HP: variants seen among roughly 807,000 people sequenced by gnomAD.
HP encodes haptoglobin, also known as haptoglobin alpha(1S)-beta.
Under a neutral mutation model 23.2 loss-of-function variants are expected in HP, and 9 were observed. That is an observed-to-expected ratio of 0.39 (90% CI 0.23 to 0.68). The LOEUF is 0.68. HP is among the 30% of genes least tolerant of loss of function. The pLI is 0.47. For synonymous variants in HP, 155 were observed against 183.3 expected, an observed-to-expected ratio of 0.85 and a Z score of 1.25; for missense variants, 433 against 483.6, an observed-to-expected ratio of 0.90 and a Z score of 0.98.
At chr16:72,056,369 T>C in intron 2 of HP, 126 bp downstream of exon 2, 1 of 1,562,054 alleles carries the variant, frequency 6.4e-7, no homozygotes, top group Non-Finnish European at 8.7e-7. Context: ...TAAAGAACAT[T>C]GGGGTTCCTG....
rs1261131844 is a variant in HP, at chr16:72,060,818, G to T, written c.1149G>T (p.Val383=). 6.2e-7 allele frequency: 1 copy of T among 1,613,580 alleles called. No individual in the cohort carries two copies. Among genetic ancestry groups the T allele is most frequent in the African/African-American group, 1.3e-5 (1 of 74,926 alleles). Residue 383 remains valine (V), a synonymous_variant, in exon 7 of 7, where the codon GTG becomes GTT. Transcript: ENST00000355906. ...TAAGCTTTGATAAGAGCTGTGCTGT[G>T]GCTGAGTATGGTGTGTATGTGAAGG... ...GILSFDKSCA[V]AEYGVYVKVT...
At chr16:72,056,100 C>T in intron 1 of HP, 61 bp from the exon 2 acceptor site, 1 of 1,547,438 alleles carries the variant, frequency 6.5e-7, no homozygotes, top group South Asian at 1.1e-5. Flanking sequence ...TGTGTGGATG[C>T]ATGCATGTGC....
At chr16:72,054,879 T>C in intron 1 of HP, 2 of 901,122 alleles carry the variant, frequency 2.2e-6, no homozygotes. Flanking sequence ...AGGAGTGTCT[T>C]TTTCCTTCAG....
rs760529864 is a variant in HP, at chr16:72,060,307, C to A, written c.638C>A (p.Thr213Lys). ...NLFLNHSENA[T>K]AKDIAPTLTL... ...TTCCTGAACCATTCAGAAAATGCAA[C>A]AGCGAAAGACATTGCCCCTACTTTA... The change falls in exon 7 of 7, where the codon ACA becomes AAA. Residue 213 changes from threonine to lysine, a missense_variant. Transcript: ENST00000355906. 9 of 1,614,094 alleles carry A rather than the reference C, an allele frequency of 5.6e-6. No individual in the cohort carries two copies. The highest frequency in any genetic ancestry group is 6.8e-6 in the Non-Finnish European group (8 of 1,180,014).
Position 72,060,512 on chromosome 16 carries a change from T to G in HP, c.843T>G (p.Val281=), listed in dbSNP as rs761489538. The G allele has an allele frequency of 1.6e-5, 26 of 1,614,028 alleles. No homozygotes were observed. Among genetic ancestry groups the G allele is most frequent in the African/African-American group, 1.6e-4 (12 of 74,916 alleles). Residue 281 remains valine (V), a synonymous_variant, in exon 7 of 7, where the codon GTT becomes GTG. Transcript: ENST00000355906. Reference sequence around the variant, plus strand: ...CAGAAGTAGGGCGTGTGGGTTATGTTTCTGGCTGGGGGCGAAATGCCAATT... The same window carrying G: ...CAGAAGTAGGGCGTGTGGGTTATGTGTCTGGCTGGGGGCGAAATGCCAATT... ...DYAEVGRVGY[V]SGWGRNANFK...
At position 72,056,171 on chromosome 16, in the gene HP, G is replaced by A; in HGVS notation, c.16G>A (p.Ala6Thr). MSALG[A>T]VIALLLWGQL... Reference sequence around the variant, plus strand: ...GTCTTCTCTCTGCAGTGCCCTGGGAGCTGTCATTGCCCTCCTGCTCTGGGG... The same window carrying A: ...GTCTTCTCTCTGCAGTGCCCTGGGAACTGTCATTGCCCTCCTGCTCTGGGG... Residue 6 changes from alanine (A) to threonine (T), a missense_variant, in exon 2 of 7, where the codon GCT becomes ACT. Transcript: ENST00000355906. 1 of 1,613,968 alleles carries A rather than the reference G, an allele frequency of 6.2e-7. No individual in the cohort carries two copies. The highest frequency in any genetic ancestry group is 1.1e-5 in the South Asian group (1 of 91,076).
chr16:72,054,970 T>C (rs574985432), intron 1 of HP: 10 of 546,068 alleles, frequency 1.8e-5, no homozygotes, highest in African/African-American at 1.5e-4. Context: ...TATTAGCAGA[T>C]ATTTTCCTCT....
chr16:72,059,078 C>A (rs1323423113), intron 5 of HP, 36 bp from the exon 6 acceptor site: 5 of 1,548,900 alleles, frequency 3.2e-6, no homozygotes, highest in Non-Finnish European at 4.4e-6. Context: ...CTAGACTTGA[C>A]TTCTCCTTTG....
intron 3 of HP, 96 bp downstream of exon 3, chr16:72,056,727 G>A (rs35461039): frequency 0.16 from 83,165 of 519,300 alleles, 7,600 homozygotes; most frequent in South Asian, 0.18. Context: ...CAGAAAGTTC[G>A]TTGCTCTCCT....
intron 6 of HP, chr16:72,059,905 T>C: frequency 1.6e-6 from 2 of 1,236,884 alleles, no homozygotes; most frequent in Non-Finnish European, 2.2e-6. Context: ...AAGTGGGAAA[T>C]AGAGCTTTTT....
At position 72,059,262 on chromosome 16, in the gene HP, G is replaced by A. The variant is rs890881756; in HGVS notation, c.442+74G>A. On this transcript the variant is annotated intron_variant, in intron 6 of 6. Coordinates refer to ENST00000355906, the MANE Select transcript of HP (RefSeq NM_005143.5). Reference sequence around the variant, plus strand: ...TCCTAGAGGCACAGCCTTCCAGTGCGGCTTCCTCTGAGCACACAAGAGCCA... The same window carrying A: ...TCCTAGAGGCACAGCCTTCCAGTGCAGCTTCCTCTGAGCACACAAGAGCCA... 3.4e-5 allele frequency: 52 copies of A among 1,536,878 alleles called. 4 individuals are homozygous for A. Among genetic ancestry groups the A allele is most frequent in the Middle Eastern group, 1.8e-4 (1 of 5,462 alleles).
intron 1 of HP, 25 bp downstream of exon 1, chr16:72,054,682 C>A (rs754993674): frequency 1.2e-4 from 189 of 1,612,192 alleles, no homozygotes; most frequent in Non-Finnish European, 1.5e-4. Flanking sequence ...TTCCCTCCTG[C>A]CTTTCCTCTG....
At position 72,060,618 on chromosome 16, in the gene HP, A is replaced by G; in HGVS notation, c.949A>G (p.Thr317Ala). 6.2e-7 allele frequency: 1 copy of G among 1,614,212 alleles called. No individual in the cohort carries two copies. The highest frequency in any genetic ancestry group is 8.5e-7 in the Non-Finnish European group (1 of 1,180,044). Residue 317 changes from threonine to alanine, a missense_variant, in exon 7 of 7, where the codon ACA (threonine) becomes GCA (alanine). Thr to Ala is a moderately conservative substitution (Grantham distance 58). Coordinates refer to ENST00000355906, the MANE Select transcript of HP (RefSeq NM_005143.5). ...DQCIRHYEGS[T>A]VPEKKTPKSP... The stretch of plus-strand genomic sequence containing the variant: ...ATGCATAAGGCATTATGAAGGCAGC[A>G]CAGTCCCCGAAAAGAAGACACCGAA...
intron 6 of HP, 145 bp downstream of exon 6, chr16:72,059,333 A>C (rs1181119273): frequency 1.9e-5 from 22 of 1,187,258 alleles, no homozygotes; most frequent in Non-Finnish European, 2.4e-5. Flanking sequence ...GAGAGACTTA[A>C]GCAGTTAGGT....
At position 72,060,764 on chromosome 16, in the gene HP, G is replaced by T. The variant is rs765043905; in HGVS notation, c.1095G>T (p.Glu365Asp). 2.5e-5 allele frequency: 41 copies of T among 1,614,046 alleles called. No homozygotes were observed. In the South Asian group the frequency reaches 4.5e-4, roughly 18 times the overall value. The part of the protein sequence containing the change: ...AGSAFAVHDL[E>D]EDTWYATGIL... ...GTGCCTTTGCCGTTCACGACCTGGA[G>T]GAGGACACCTGGTATGCGACTGGGA... Residue 365 changes from glutamate (E) to aspartate (D), a missense_variant, in exon 7 of 7, where the codon GAG becomes GAT. This residue lies in a region of HP where 326 missense variants were observed against 358.1 expected (regional missense o/e 0.91). Transcript: ENST00000355906.
At position 72,060,467 on chromosome 16, in the gene HP, C is replaced by A; in HGVS notation, c.798C>A (p.Cys266Ter). ...TTAATGAGAGAGTGATGCCCATCTG[C>A]CTACCTTCAAAGGATTATGCAGAAG... Reference protein sequence around the residue: ...VSVNERVMPICLPSKDYAEVG... With the variant: ...VSVNERVMPI The change falls in exon 7 of 7, where the codon TGC becomes TGA. Residue 266 changes from cysteine to a stop codon, truncating the protein, a stop_gained. Transcript: ENST00000355906. LOFTEE classifies it high-confidence loss of function. 6.2e-7 allele frequency: 1 copy of A among 1,614,138 alleles called. No individual in the cohort carries two copies. The highest frequency in any genetic ancestry group is 8.5e-7 in the Non-Finnish European group (1 of 1,180,036).
At position 72,055,961 on chromosome 16, in the gene HP, T is replaced by C. The variant is rs72563737; in HGVS notation, c.6-200T>C. 7.1e-5 allele frequency: 64 copies of C among 904,368 alleles called. 2 individuals are homozygous for C. The highest frequency in any genetic ancestry group is 3.3e-4 in the Admixed American group (16 of 48,080). 56.0% of individuals were successfully genotyped at this position (904,368 alleles called of 1,614,324 possible). A position where few individuals can be genotyped will look rare whatever the true frequency, so the allele number is the denominator to read the frequency against. On this transcript the variant is annotated intron_variant, in intron 1 of 6. Transcript: ENST00000355906. ...TTGGTATGCTCAGAAGCTGCTAAAGTGTGTATGGGCAGGTGTGGGGGCAAT... is the reference window on the plus strand; with the variant it reads ...TTGGTATGCTCAGAAGCTGCTAAAGCGTGTATGGGCAGGTGTGGGGGCAAT...
At chr16:72,058,740 A>T (rs1305080912) in intron 5 of HP, 1 of 317,420 alleles carries the variant, frequency 3.2e-6, no homozygotes, top group Non-Finnish European at 5.7e-6. Flanking sequence ...TCCTCACAGT[A>T]TCCCTCTGAA....
rs1287719331 is a variant in HP at position 72,056,390 on chromosome 16, G to A, written c.89-140G>A. ...ACATTGGGGTTCCTGCCAGAAATGA[G>A]GGGAGCTTGCCTTTCCATTGGCTTC... On this transcript the variant is annotated intron_variant, in intron 2 of 6. Transcript: ENST00000355906. The A allele has an allele frequency of 7.0e-6, 11 of 1,572,752 alleles. 1 individual carries two copies. In the East Asian group the frequency reaches 2.1e-4, roughly 30 times the overall value.
Sources: gnomAD v4.1 joint callset for allele counts on GRCh38, gnomAD v4.1.1 for gene constraint, gnomAD v4.1.1 regional missense constraint, MANE v1.5 for transcripts, NCBI Gene and HGNC (gene_info 2026-07-23, HGNC 2026-07-21) for gene names.